Variants in PCDHA7 observed in about 807,000 individuals in gnomAD.
PCDHA7 encodes protocadherin alpha-7.
Under a neutral mutation model 57.2 loss-of-function variants are expected in PCDHA7, and 37 were observed. That is an observed-to-expected ratio of 0.65 (90% CI 0.50 to 0.85). PCDHA7 has a LOEUF of 0.85. Ranked by LOEUF, PCDHA7 falls within the 40% of genes least tolerant of loss-of-function variation. The pLI is 0.00. For synonymous variants in PCDHA7, 553 were observed against 558.8 expected, an observed-to-expected ratio of 0.99 and a Z score of 0.15; for missense variants, 1,188 against 1,241.8, an observed-to-expected ratio of 0.96 and a Z score of 0.65.
intron 2 of PCDHA7, among the ~76,000 whole-genome samples, chr5:140,979,943 T>A (rs2153820467): frequency 6.6e-6 from 1 of 152,364 alleles, no homozygotes; most frequent in Admixed American, 6.5e-5. Context: ...GTAGAGTTAA[T>A]GTGAAATTAG....
intron 1 of PCDHA7, chr5:140,851,667 T>C (rs628871): frequency 0.26 from 235,964 of 911,074 alleles, 43,172 homozygotes; most frequent in South Asian, 0.31. Context: ...TCCTTTTAAT[T>C]GAAATTTTCT....
chr5:140,868,751 C>A, intron 1 of PCDHA7: 1 of 215,966 alleles, frequency 4.6e-6, no homozygotes, highest in Non-Finnish European at 9.2e-6. Flanking sequence ...ATGCCATTTC[C>A]ATATATATTT....
intron 1 of PCDHA7, chr5:140,841,278 T>G: frequency 1.3e-6 from 2 of 1,521,566 alleles, no homozygotes; most frequent in South Asian, 1.3e-5. Flanking sequence ...GTCGTTCATC[T>G]TTATATTAAG....
chr5:140,982,612 C>T, intron 3 of PCDHA7, 49 bp downstream of exon 3: 2 of 1,599,360 alleles, frequency 1.3e-6, no homozygotes, highest in Non-Finnish European at 1.7e-6. Context: ...GGAAAGTGAT[C>T]AGATGACCTA....
At chr5:140,917,259 T>C (rs1246984274) in intron 1 of PCDHA7, among the ~76,000 whole-genome samples, 2 of 151,338 alleles carry the variant, frequency 1.3e-5, no homozygotes, top group East Asian at 3.9e-4. Flanking sequence ...GCTCACCTGA[T>C]GTTTGGTTTT....
chr5:141,003,240 C>T (rs1563674729), intron 3 of PCDHA7, among the ~76,000 whole-genome samples: 2 of 152,150 alleles, frequency 1.3e-5, no homozygotes, highest in South Asian at 4.1e-4. Context: ...GAAATTTTGC[C>T]AAAAAGATTC....
intron 1 of PCDHA7, among the ~76,000 whole-genome samples, chr5:140,947,922 C>T (rs2094193763): frequency 6.6e-6 from 1 of 151,450 alleles, no homozygotes; most frequent in Admixed American, 6.6e-5. Context: ...TTGCCTTAAC[C>T]CTGATCTTAT....
At chr5:140,927,889 G>T (rs1554205185) in intron 1 of PCDHA7, 1 of 1,614,226 alleles carries the variant, frequency 6.2e-7, no homozygotes, top group Non-Finnish European at 8.5e-7. Context: ...GGTGACTGAC[G>T]TGAACGATCA....
At chr5:140,971,782 A>G (rs1458049076) in intron 1 of PCDHA7, among the ~76,000 whole-genome samples, 1 of 152,166 alleles carries the variant, frequency 6.6e-6, no homozygotes, top group Non-Finnish European at 1.5e-5. Context: ...ATTCAAGATT[A>G]TTCAATATAT....
intron 1 of PCDHA7, among the ~76,000 whole-genome samples, chr5:140,893,379 ACAG>A (rs2063957000): frequency 6.6e-6 from 1 of 152,140 alleles, no homozygotes; most frequent in South Asian, 2.1e-4. Context: ...CATTTATGGG[ACAG>A]TGGCTCATGC....
intron 1 of PCDHA7, among the ~76,000 whole-genome samples, chr5:140,900,046 G>A (rs896570608): frequency 2.4e-4 from 36 of 152,294 alleles, no homozygotes; most frequent in Admixed American, 1.6e-3. Context: ...CTGGGCTCAA[G>A]TGATCCTTTA....
chr5:140,971,778 G>T (rs1346530602), intron 1 of PCDHA7, among the ~76,000 whole-genome samples: 1 of 151,860 alleles, frequency 6.6e-6, no homozygotes, highest in Admixed American at 6.6e-5. Flanking sequence ...TATTATTCAA[G>T]ATTATTCAAT....
chr5:140,843,094 A>G (rs1268827365), intron 1 of PCDHA7: 2 of 1,595,564 alleles, frequency 1.3e-6, no homozygotes, highest in South Asian at 2.2e-5. Flanking sequence ...GCCACGTGGT[A>G]GCGAAGGTGC....
chr5:140,854,867 G>T (rs2043248640), intron 1 of PCDHA7, among the ~76,000 whole-genome samples: 1 of 149,650 alleles, frequency 6.7e-6, no homozygotes, highest in East Asian at 1.9e-4. Context: ...ATATATTTCA[G>T]AACTGTGTCT....
At chr5:140,926,118 G>C (rs927468824) in intron 1 of PCDHA7, among the ~76,000 whole-genome samples, 3 of 152,174 alleles carry the variant, frequency 2.0e-5, no homozygotes, top group African/African-American at 7.2e-5. Flanking sequence ...GTGCAGGACA[G>C]ACTTCAACCC....
chr5:140,930,794 T>G (rs2087114829), intron 1 of PCDHA7, among the ~76,000 whole-genome samples: 1 of 152,200 alleles, frequency 6.6e-6, no homozygotes, highest in Non-Finnish European at 1.5e-5. Context: ...TATAATAGAA[T>G]CCAGCATATA....
At chr5:140,842,859 A>G in intron 1 of PCDHA7, 1 of 1,593,988 alleles carries the variant, frequency 6.3e-7, no homozygotes, top group Admixed American at 1.7e-5. Context: ...GTGCACACGG[A>G]GAGCGGCAAG....
intron 1 of PCDHA7, chr5:140,883,882 C>T (rs200536915): frequency 6.8e-6 from 11 of 1,613,068 alleles, no homozygotes; most frequent in Middle Eastern, 1.7e-4. Flanking sequence ...TGAGCGCGCG[C>T]GACTCTGGCG....
intron 1 of PCDHA7, among the ~76,000 whole-genome samples, chr5:140,890,015 T>C (rs553399283): frequency 2.8e-4 from 43 of 152,210 alleles, no homozygotes; most frequent in African/African-American, 1.0e-3. Flanking sequence ...GCCAGAAAAA[T>C]GTAGAAGGCT....
Sources: gnomAD v4.1 joint callset for allele counts (sites outside exome capture counted in the v4.1 genomes callset) on GRCh38, gnomAD v4.1.1 for gene constraint, MANE v1.5 for transcripts, NCBI Gene and HGNC (gene_info 2026-07-23, HGNC 2026-07-21) for gene names.